ADCY2: variants seen among roughly 807,000 people sequenced by gnomAD.
The protein encoded by ADCY2 is adenylate cyclase 2, also known as adenylate cyclase type 2.
A neutral mutation model predicts 125.2 loss-of-function variants in ADCY2; 31 were observed. The observed-to-expected ratio is 0.25, with a 90% CI of 0.19 to 0.33. The LOEUF (loss-of-function observed/expected upper bound fraction) is 0.33, where lower values mean the gene tolerates loss of function less well. ADCY2 is among the 10% of genes least tolerant of loss of function. ADCY2 has a pLI of 1.00. For synonymous variants in ADCY2, 512 were observed against 548.4 expected (o/e 0.93, Z 0.93); for missense variants, 904 against 1,418.2 (o/e 0.64, Z 5.82).
chr5:7,434,647 G>A (rs1740728167), intron 2 of ADCY2, among the ~76,000 whole-genome samples: 1 of 152,238 alleles, frequency 6.6e-6, no homozygotes, highest in South Asian at 2.1e-4. Flanking sequence ...AAATGCAGAA[G>A]CATGCTTTTA....
intron 16 of ADCY2, among the ~76,000 whole-genome samples, chr5:7,765,537 G>A (rs1460969): frequency 0.39 from 58,737 of 151,832 alleles, 11,860 homozygotes; most frequent in Non-Finnish European, 0.43. Context: ...CAGAAATACC[G>A]TATCTCGTAT....
intron 4 of ADCY2, among the ~76,000 whole-genome samples, chr5:7,645,409 C>A (rs1186920195): frequency 1.3e-5 from 2 of 152,080 alleles, no homozygotes; most frequent in Non-Finnish European, 2.9e-5. Flanking sequence ...CTGGCCCAAT[C>A]CATAAAGGCC....
intron 2 of ADCY2, among the ~76,000 whole-genome samples, chr5:7,447,167 A>G (rs1741294352): frequency 7.3e-6 from 1 of 136,132 alleles, no homozygotes; most frequent in African/African-American, 2.6e-5. Context: ...GACCTTACTC[A>G]GAAGCTTGTT....
At chr5:7,552,774 T>TA (rs898021195) in intron 3 of ADCY2, among the ~76,000 whole-genome samples, 4 of 152,232 alleles carry the variant, frequency 2.6e-5, no homozygotes, top group Admixed American at 6.5e-5. Flanking sequence ...TCAGCGTTTG[T>TA]AAAAAAGGCT....
At chr5:7,733,792 G>A (rs1287076128) in intron 14 of ADCY2, among the ~76,000 whole-genome samples, 2 of 152,152 alleles carry the variant, frequency 1.3e-5, no homozygotes, top group Non-Finnish European at 2.9e-5. Context: ...TGAAAATTCA[G>A]ATCTTCAGCC....
chr5:7,745,110 C>T (rs1429104928), intron 15 of ADCY2, among the ~76,000 whole-genome samples: 1 of 152,180 alleles, frequency 6.6e-6, no homozygotes, highest in Non-Finnish European at 1.5e-5. Context: ...ACTACTACTG[C>T]TAGCAACAAC....
intron 24 of ADCY2, among the ~76,000 whole-genome samples, chr5:7,821,035 G>A (rs1473961750): frequency 1.3e-5 from 2 of 152,146 alleles, no homozygotes; most frequent in African/African-American, 4.8e-5. Flanking sequence ...AAACGAGAGG[G>A]ATCACATGCA....
At chr5:7,694,732 G>A (rs553473526) in intron 5 of ADCY2, among the ~76,000 whole-genome samples, 1 of 152,270 alleles carries the variant, frequency 6.6e-6, no homozygotes, top group East Asian at 1.9e-4. Context: ...CTACAGCTAT[G>A]AACATTCATG....
intron 20 of ADCY2, chr5:7,799,725 A>G (rs1200602641): frequency 6.6e-6 from 1 of 152,284 alleles, no homozygotes; most frequent in African/African-American, 2.4e-5. Flanking sequence ...AGAATAACCC[A>G]GGGAACTTTC....
chr5:7,507,303 T>C (rs1306629642), intron 2 of ADCY2, among the ~76,000 whole-genome samples: 1 of 141,202 alleles, frequency 7.1e-6, no homozygotes, highest in Non-Finnish European at 1.6e-5. Flanking sequence ...TAGCCGGGCG[T>C]AGTGGCGGGC....
intron 2 of ADCY2, among the ~76,000 whole-genome samples, chr5:7,448,131 C>T (rs1173787580): frequency 6.6e-6 from 1 of 152,204 alleles, no homozygotes; most frequent in African/African-American, 2.4e-5. Context: ...CTGGCTTCTT[C>T]TAATCCCACA....
At chr5:7,676,936 C>T (rs1740145887) in intron 4 of ADCY2, among the ~76,000 whole-genome samples, 1 of 152,164 alleles carries the variant, frequency 6.6e-6, no homozygotes, top group Admixed American at 6.6e-5. Flanking sequence ...TGCCTGCTCT[C>T]AGGGCCCCTT....
intron 1 of ADCY2, among the ~76,000 whole-genome samples, chr5:7,405,035 C>G (rs1264683704): frequency 2.0e-5 from 3 of 152,200 alleles, no homozygotes; most frequent in African/African-American, 7.2e-5. Flanking sequence ...CCCTGTCTCT[C>G]AAGTCAGGGA....
At chr5:7,444,137 G>A (rs1741132845) in intron 2 of ADCY2, among the ~76,000 whole-genome samples, 4 of 141,702 alleles carry the variant, frequency 2.8e-5, no homozygotes, top group Non-Finnish European at 1.5e-5. Context: ...TTTTTGAGAC[G>A]GAGTCTCGCT....
At chr5:7,530,779 C>T (rs1418567848) in intron 3 of ADCY2, among the ~76,000 whole-genome samples, 7 of 152,088 alleles carry the variant, frequency 4.6e-5, no homozygotes, top group Admixed American at 6.5e-5. Flanking sequence ...CTTCTATTCT[C>T]CCTGCCATGG....
At chr5:7,512,190 C>T (rs1430066874) in intron 2 of ADCY2, among the ~76,000 whole-genome samples, 2 of 116,924 alleles carry the variant, frequency 1.7e-5, no homozygotes, top group African/African-American at 6.8e-5. Flanking sequence ...CATCACACTC[C>T]AGCCTGGGCA....
chr5:7,534,207 G>C (rs1734743866), intron 3 of ADCY2, among the ~76,000 whole-genome samples: 2 of 152,168 alleles, frequency 1.3e-5, no homozygotes. Flanking sequence ...TTCTCTTCTA[G>C]TGTCTTTTCT....
intron 2 of ADCY2, among the ~76,000 whole-genome samples, chr5:7,440,538 G>A (rs1266875271): frequency 2.6e-5 from 4 of 152,028 alleles, no homozygotes; most frequent in East Asian, 1.9e-4. Context: ...CCTTTTGCAC[G>A]CACAAGCTAC....
intron 2 of ADCY2, among the ~76,000 whole-genome samples, chr5:7,417,836 G>A (rs1052453445): frequency 7.2e-5 from 11 of 152,196 alleles, no homozygotes; most frequent in Non-Finnish European, 1.6e-4. Context: ...GCAGGGACAT[G>A]ACTGTCTCTC....
Sources: allele counts gnomAD v4.1 joint callset (sites outside exome capture counted in the v4.1 genomes callset), GRCh38; gene constraint gnomAD v4.1.1; transcripts MANE v1.5; gene names NCBI Gene and HGNC (gene_info 2026-07-23, HGNC 2026-07-21).